The following KLHL10 variants were observed in gnomAD, a reference collection of about 807,000 sequenced individuals.
KLHL10 encodes the protein kelch-like protein 10.
KLHL10 carries 11 observed loss-of-function variants against 46.6 expected under a neutral mutation model. The observed-to-expected ratio is 0.24, with a 90% confidence interval of 0.15 to 0.39. The LOEUF (loss-of-function observed/expected upper bound fraction) is 0.39. Among genes scored for constraint, KLHL10 ranks in the 10% least tolerant of loss-of-function variants. The probability of loss-of-function intolerance (pLI) is 1.00; values close to 1 mark genes in which losing one functional copy is unlikely to be tolerated. For synonymous variants in KLHL10, 254 were observed against 279.1 expected (o/e 0.91, Z 0.90); for missense variants, 475 against 789.8 (o/e 0.60, Z 4.78).
chr17:41,845,230 A>G lies in KLHL10; in HGVS notation c.789A>G (p.Leu263=). The G allele has an allele frequency of 1.9e-6, 3 of 1,614,232 alleles. No individual in the cohort carries two copies. The highest frequency in any genetic ancestry group is 2.2e-5 in the South Asian group (2 of 91,086). The change falls in exon 3 of 5, where the codon CTA becomes CTG. Residue 263 remains leucine, a synonymous_variant. Coordinates refer to ENST00000293303, the MANE Select transcript of KLHL10 (RefSeq NM_152467.5). ...EECKPVIINA[L]KAMYDLNMNG... ...GCAAACCAGTCATCATTAATGCCCTAAAGGCCATGTATGACCTCAACATGA... is the reference window on the plus strand; with the variant it reads ...GCAAACCAGTCATCATTAATGCCCTGAAGGCCATGTATGACCTCAACATGA...
intron 2 of KLHL10, among the ~76,000 whole-genome samples, chr17:41,843,382 G>A (rs1273727336): frequency 1.3e-5 from 2 of 151,882 alleles, no homozygotes; most frequent in Non-Finnish European, 2.9e-5. Flanking sequence ...GTGCATGCCT[G>A]TAATCCCAGC....
intron 1 of KLHL10, among the ~76,000 whole-genome samples, chr17:41,838,661 T>G (rs1213424328): frequency 6.0e-5 from 9 of 151,174 alleles, no homozygotes; most frequent in Non-Finnish European, 1.3e-4. Flanking sequence ...TTTTGTTTTT[T>G]TTTTTCCTTT....
chr17:41,843,991 G>C (rs1284050026), intron 2 of KLHL10, among the ~76,000 whole-genome samples: 2 of 151,850 alleles, frequency 1.3e-5, no homozygotes, highest in East Asian at 3.9e-4. Context: ...TTGATCTCCT[G>C]ACCTCGTGAT....
Position 41,842,084 on chromosome 17 carries a change from C to T in KLHL10, c.456C>T (p.Tyr152=). The T allele has an allele frequency of 6.2e-7, 1 of 1,614,130 alleles. No individual in the cohort carries two copies. ...TCTGTAAGTTCACGGACTACTACTA[C>T]TGTCCTGAGCTGAGGCAGAAGGCCT... is the stretch of plus-strand genomic sequence containing the variant. ...IGICKFTDYY[Y]CPELRQKAYM... The change falls in exon 2 of 5, where the codon TAC becomes TAT. Residue 152 remains tyrosine (Y), a synonymous_variant. Transcript: ENST00000293303.
At position 41,848,133 on chromosome 17, in the gene KLHL10, C is replaced by T. The variant is rs1385677733; in HGVS notation, c.1653C>T (p.Thr551=). The T allele has an allele frequency of 4.3e-6, 7 of 1,614,024 alleles. No homozygotes were observed. Among genetic ancestry groups the T allele is most frequent in the African/African-American group, 2.7e-5 (2 of 74,958 alleles). Residue 551 remains threonine, a synonymous_variant, in exon 5 of 5, where the codon ACC becomes ACT. Transcript: ENST00000293303. The stretch of plus-strand genomic sequence containing the variant: ...ATGTTGAGTGCTATGATGAAAAGAC[C>T]GATGAGTGGTATGATGCTCATGACA... ...TFNVECYDEK[T]DEWYDAHDMS...
intron 2 of KLHL10, among the ~76,000 whole-genome samples, chr17:41,844,652 G>A (rs900080186): frequency 1.5e-4 from 22 of 150,404 alleles, no homozygotes; most frequent in South Asian, 4.2e-4. Flanking sequence ...TGGCTCAAGC[G>A]ATTCTCTTGC....
chr17:41,836,448 GGGTA>G (rs2047019352), upstream of KLHL10: 1 of 985,036 alleles, frequency 1.0e-6, no homozygotes, highest in Admixed American at 6.2e-5. Context: ...GGGGTTACGT[GGGTA>G]GGTAGGGTTC....
intron 3 of KLHL10, 150 bp downstream of exon 3, chr17:41,845,893 A>C: frequency 9.7e-7 from 1 of 1,026,164 alleles, no homozygotes; most frequent in South Asian, 1.4e-5. Context: ...GACTAGTTGC[A>C]ACTGTCTTTT....
At chr17:41,837,607 A>C, upstream of KLHL10, 13 of 1,121,046 alleles carry the variant, frequency 1.2e-5, no homozygotes, top group Non-Finnish European at 1.5e-5. Flanking sequence ...CAGGAGCTGG[A>C]ATCAATAAAC....
Position 41,847,418 on chromosome 17 carries a change from T to C in KLHL10, c.1452+8T>C, listed in dbSNP as rs781806517. ...GGAGAACATGTATATGCGGTAAGTT[T>C]ATCTAGTACCACACACACACAAAAA... On this transcript the variant is annotated splice_region_variant and intron_variant, in intron 4 of 4. Coordinates refer to ENST00000293303, the MANE Select transcript of KLHL10 (RefSeq NM_152467.5). 6.2e-7 allele frequency: 1 copy of C among 1,614,044 alleles called. No individual in the cohort carries two copies. The highest frequency in any genetic ancestry group is 8.5e-7 in the Non-Finnish European group (1 of 1,179,962).
rs1555621736 is a variant in KLHL10, at chr17:41,848,323, T to C, written c.*16T>C. ...ACCTGTATGAGCCTCTTCATTTAGC[T>C]AATAAAAAGTCTAAGCAATAAGAAT... On this transcript the variant is annotated 3_prime_UTR_variant, in exon 5 of 5. Transcript: ENST00000293303. The C allele has an allele frequency of 6.2e-7, 1 of 1,603,068 alleles. No homozygotes were observed. The highest frequency in any genetic ancestry group is 8.5e-7 in the Non-Finnish European group (1 of 1,178,902).
At chr17:41,840,796 A>T (rs1555620635) in intron 1 of KLHL10, among the ~76,000 whole-genome samples, 2 of 149,760 alleles carry the variant, frequency 1.3e-5, no homozygotes, top group Non-Finnish European at 1.5e-5. Flanking sequence ...GATTTCTAAG[A>T]CCACATTTCC....
chr17:41,842,653 A>G lies in KLHL10; in HGVS notation c.684+341A>G, dbSNP rs537790167. Among the ~76,000 whole-genome samples, 75 of 152,190 alleles carry G rather than the reference A, an allele frequency of 4.9e-4. No homozygotes were observed. In the South Asian group the frequency reaches 7.9e-3, roughly 16 times the overall value. ...ATAGGTTATAAAATTTAAAAAGTAT[A>G]AAATTTGGCCAGGTGCAGTGGCTCA... On this transcript the variant is annotated intron_variant, in intron 2 of 4. Coordinates refer to ENST00000293303, the MANE Select transcript of KLHL10 (RefSeq NM_152467.5).
chr17:41,840,074 G>A (rs1012253381), intron 1 of KLHL10, among the ~76,000 whole-genome samples: 3 of 151,834 alleles, frequency 2.0e-5, no homozygotes, highest in South Asian at 2.1e-4. Flanking sequence ...CAGGTGATCC[G>A]CCTGCCTCAG....
chr17:41,836,308 G>GC (rs1340522180), upstream of KLHL10: 1 of 1,230,250 alleles, frequency 8.1e-7, no homozygotes, highest in East Asian at 3.2e-5. Flanking sequence ...CGGGGGCGGG[G>GC]CGGGGGTGGG....
At chr17:41,841,544 AC>A (rs2048226432) in intron 1 of KLHL10, among the ~76,000 whole-genome samples, 1 of 152,092 alleles carries the variant, frequency 6.6e-6, no homozygotes, top group South Asian at 2.1e-4. Flanking sequence ...TGAACTCCTG[AC>A]CTCATGATCC....
chr17:41,836,336 C>A, upstream of KLHL10: 2 of 1,218,288 alleles, frequency 1.6e-6, no homozygotes, highest in South Asian at 4.2e-5. Flanking sequence ...ATCGAGCGGT[C>A]CCGGAGATGG....
chr17:41,842,561 T>C (rs2048237200), intron 2 of KLHL10, among the ~76,000 whole-genome samples: 1 of 152,140 alleles, frequency 6.6e-6, no homozygotes, highest in East Asian at 1.9e-4. Flanking sequence ...AGGTGGGGTG[T>C]GGTGGCTCAC....
chr17:41,842,943 A>G (rs541830449), intron 2 of KLHL10, among the ~76,000 whole-genome samples: 2 of 151,714 alleles, frequency 1.3e-5, no homozygotes, highest in African/African-American at 4.8e-5. Flanking sequence ...TCTCAAAAAA[A>G]AAAAGAAAAA....
Sources: allele counts gnomAD v4.1 joint callset (sites outside exome capture counted in the v4.1 genomes callset), GRCh38; gene constraint gnomAD v4.1.1; transcripts MANE v1.5; gene names NCBI Gene and HGNC (gene_info 2026-07-23, HGNC 2026-07-21).